The following MTUS2 variants were observed in gnomAD, a reference collection of about 807,000 sequenced individuals.
MTUS2 encodes microtubule-associated tumor suppressor candidate 2.
Under a neutral mutation model 114.1 loss-of-function variants are expected in MTUS2, and 40 were observed. That is an observed-to-expected ratio of 0.35 (90% CI 0.27 to 0.46). The LOEUF is 0.46. Ranked by LOEUF, MTUS2 falls within the 20% of genes least tolerant of loss-of-function variation. The probability of loss-of-function intolerance (pLI) is 1.00; values close to 1 mark genes in which losing one functional copy is unlikely to be tolerated. For synonymous variants in MTUS2, 688 were observed against 672.0 expected, an observed-to-expected ratio of 1.02 and a Z score of -0.37; for missense variants, 1,679 against 1,705.4, an observed-to-expected ratio of 0.98 and a Z score of 0.27.
intron 2 of MTUS2, among the ~76,000 whole-genome samples, chr13:28,997,776 A>G (rs895857924): frequency 1.3e-5 from 2 of 151,916 alleles, no homozygotes; most frequent in Non-Finnish European, 2.9e-5. Flanking sequence ...TTTTGAGCCT[A>G]TGTGTGTCTC....
chr13:29,177,928 C>T (rs905426385), intron 5 of MTUS2, among the ~76,000 whole-genome samples: 1 of 152,182 alleles, frequency 6.6e-6, no homozygotes, highest in African/African-American at 2.4e-5. Context: ...CTCTTGCTTG[C>T]TTTCTTTTCC....
chr13:29,306,085 C>T (rs779040576), intron 6 of MTUS2, among the ~76,000 whole-genome samples: 90 of 152,334 alleles, frequency 5.9e-4, no homozygotes, highest in Non-Finnish European at 1.2e-3. Flanking sequence ...TAAAATTCAA[C>T]ATTCCTTCAT....
chr13:29,468,453 C>T (rs1880043605), intron 9 of MTUS2, among the ~76,000 whole-genome samples: 1 of 152,058 alleles, frequency 6.6e-6, no homozygotes. Flanking sequence ...GTGGCGGGCA[C>T]CTGTAATCCC....
intron 2 of MTUS2, among the ~76,000 whole-genome samples, chr13:28,886,805 T>C (rs576434353): frequency 6.6e-6 from 1 of 152,354 alleles, no homozygotes; most frequent in South Asian, 2.1e-4. Flanking sequence ...CATTCATTCA[T>C]TCTCACCATT....
At chr13:29,457,770 C>T (rs550954222) in intron 9 of MTUS2, among the ~76,000 whole-genome samples, 6 of 152,250 alleles carry the variant, frequency 3.9e-5, no homozygotes, top group Admixed American at 1.3e-4. Flanking sequence ...CAGCAATCTT[C>T]GAGGGCCCCA....
intron 5 of MTUS2, among the ~76,000 whole-genome samples, chr13:29,167,885 G>A (rs559670097): frequency 3.9e-5 from 6 of 152,152 alleles, no homozygotes; most frequent in Non-Finnish European, 7.4e-5. Flanking sequence ...GATATTGTAT[G>A]TATTATTCAT....
chr13:29,232,639 A>C (rs1896380057), intron 5 of MTUS2, among the ~76,000 whole-genome samples: 1 of 152,180 alleles, frequency 6.6e-6, no homozygotes, highest in African/African-American at 2.4e-5. Flanking sequence ...TTTTTACCTG[A>C]ATTAACTGGG....
intron 2 of MTUS2, among the ~76,000 whole-genome samples, chr13:28,952,639 G>C (rs929396343): frequency 6.6e-6 from 1 of 152,202 alleles, no homozygotes; most frequent in African/African-American, 2.4e-5. Flanking sequence ...AACCATATGT[G>C]AACATATAAA....
At chr13:28,905,026 G>A (rs1245744726) in intron 2 of MTUS2, among the ~76,000 whole-genome samples, 1 of 151,532 alleles carries the variant, frequency 6.6e-6, no homozygotes, top group Admixed American at 6.6e-5. Flanking sequence ...ATTGTGAATG[G>A]GAGTTCACTC....
intron 1 of MTUS2, among the ~76,000 whole-genome samples, chr13:28,826,007 A>G (rs576827865): frequency 6.6e-6 from 1 of 152,286 alleles, no homozygotes; most frequent in East Asian, 1.9e-4. Context: ...TGGGGAACTT[A>G]AGGTCATTCC....
chr13:28,936,691 C>T (rs1019319863), intron 2 of MTUS2, among the ~76,000 whole-genome samples: 2 of 152,156 alleles, frequency 1.3e-5, no homozygotes, highest in African/African-American at 4.8e-5. Context: ...GCCTTTTTCT[C>T]ATCAGGCATT....
At chr13:29,408,296 T>C (rs755361326) in intron 8 of MTUS2, among the ~76,000 whole-genome samples, 1 of 152,182 alleles carries the variant, frequency 6.6e-6, no homozygotes, top group Non-Finnish European at 1.5e-5. Context: ...TTAAATGTTT[T>C]AACATGTTTA....
intron 5 of MTUS2, among the ~76,000 whole-genome samples, chr13:29,166,125 C>A (rs908051279): frequency 2.0e-5 from 3 of 152,194 alleles, no homozygotes; most frequent in African/African-American, 7.2e-5. Context: ...AAAGGATGAC[C>A]TGACCACTCA....
chr13:29,499,883 T>C (rs1347509302), intron 14 of MTUS2, among the ~76,000 whole-genome samples: 1 of 152,244 alleles, frequency 6.6e-6, no homozygotes, highest in Non-Finnish European at 1.5e-5. Flanking sequence ...GATGCTGGAT[T>C]GTCGCCAAGA....
Position 29,024,680 on chromosome 13 carries a change from C to A in MTUS2, c.-19C>A. ...TTAAGTAGGACTGCATGGCAAGCAG[C>A]CCCACCAAAGGGTTGACAATGAGCG... is the stretch of plus-strand genomic sequence containing the variant. On this transcript the variant is annotated 5_prime_UTR_variant, in exon 3 of 16. Transcript: ENST00000612955. The A allele has an allele frequency of 6.2e-7, 1 of 1,610,052 alleles. No homozygotes were observed.
At chr13:29,192,676 A>G (rs1418476770) in intron 5 of MTUS2, among the ~76,000 whole-genome samples, 1 of 152,218 alleles carries the variant, frequency 6.6e-6, no homozygotes, top group African/African-American at 2.4e-5. Context: ...GTATCAATTA[A>G]AAATATTTCT....
At chr13:28,934,750 T>C (rs1416348531) in intron 2 of MTUS2, among the ~76,000 whole-genome samples, 1 of 152,242 alleles carries the variant, frequency 6.6e-6, no homozygotes, top group Admixed American at 6.5e-5. Context: ...CTTGAACTCC[T>C]GACCTCAGGT....
At chr13:28,876,627 T>C (rs533219999) in intron 2 of MTUS2, among the ~76,000 whole-genome samples, 1 of 152,290 alleles carries the variant, frequency 6.6e-6, no homozygotes, top group Non-Finnish European at 1.5e-5. Context: ...TCTTTGTGGG[T>C]CTTTGGCCTA....
intron 2 of MTUS2, among the ~76,000 whole-genome samples, chr13:28,951,729 G>T (rs1297958751): frequency 1.3e-5 from 2 of 152,178 alleles, no homozygotes; most frequent in Non-Finnish European, 1.5e-5. Context: ...AACCCAGGAG[G>T]TGGAGGTTGC....
Sources: allele counts gnomAD v4.1 joint callset (sites outside exome capture counted in the v4.1 genomes callset), GRCh38; gene constraint gnomAD v4.1.1; transcripts MANE v1.5; gene names NCBI Gene and HGNC (gene_info 2026-07-23, HGNC 2026-07-21).